Variants in WNK1 observed in about 807,000 individuals in gnomAD.
WNK1 encodes the protein serine/threonine-protein kinase WNK1.
In WNK1, 38 loss-of-function variants were observed where a neutral mutation model predicts 222.8. That is an observed-to-expected ratio of 0.17 (90% CI 0.13 to 0.22). The LOEUF (loss-of-function observed/expected upper bound fraction) is 0.22, where lower values mean the gene tolerates loss of function less well. WNK1 is among the 10% of genes least tolerant of loss of function. The pLI is 1.00. For missense variants in WNK1, 2,348 were observed against 2,918.4 expected, an observed-to-expected ratio of 0.80 and a Z score of 4.50; for synonymous variants, 1,090 against 1,092.9, an observed-to-expected ratio of 1.00 and a Z score of 0.05.
intron 2 of WNK1, among the ~76,000 whole-genome samples, chr12:826,446 G>A (rs1433101736): frequency 1.3e-5 from 2 of 152,104 alleles, no homozygotes; most frequent in African/African-American, 2.4e-5. Context: ...CTTTCCTTAG[G>A]TAAAAATGTA....
At chr12:825,172 T>C (rs1948252462) in intron 2 of WNK1, among the ~76,000 whole-genome samples, 1 of 152,206 alleles carries the variant, frequency 6.6e-6, no homozygotes, top group Non-Finnish European at 1.5e-5. Flanking sequence ...AAAATGCCCT[T>C]ATGCCGCTTT....
In WNK1 at chr12:754,900, G is replaced by A. The variant is rs555207498; in HGVS notation, c.759+576G>A. On this transcript the variant is annotated intron_variant, in intron 1 of 27. Coordinates refer to ENST00000315939, the MANE Select transcript of WNK1 (RefSeq NM_018979.4). Reference sequence around the variant, plus strand: ...ATGATGCTTAAGCCTTACAGTAGCAGCATTGCTCTGACGTTCATTAAACTA... The same window carrying A: ...ATGATGCTTAAGCCTTACAGTAGCAACATTGCTCTGACGTTCATTAAACTA... Among the ~76,000 whole-genome samples the A allele has an allele frequency of 1.3e-4, 20 of 152,296 alleles. No individual in the cohort carries two copies. In the East Asian group the frequency reaches 3.9e-3, roughly 29 times the overall value.
chr12:877,230 A>G (rs1952712716), intron 9 of WNK1, among the ~76,000 whole-genome samples: 1 of 151,878 alleles, frequency 6.6e-6, no homozygotes, highest in Admixed American at 6.6e-5. Flanking sequence ...CGCCCGGCTA[A>G]TTTTTTGCAA....
At chr12:881,599 G>C in intron 12 of WNK1, 93 bp from the exon 13 acceptor site, 2 of 979,448 alleles carry the variant, frequency 2.0e-6, no homozygotes, top group South Asian at 2.6e-5. Context: ...GGACGTAGTG[G>C]GGAGGGATAA....
In WNK1 at chr12:859,388, A is replaced by G; in HGVS notation, c.1544A>G (p.Lys515Arg). 6.2e-7 allele frequency: 1 copy of G among 1,612,972 alleles called. No homozygotes were observed. The highest frequency in any genetic ancestry group is 1.1e-5 in the South Asian group (1 of 90,922). Residue 515 changes from lysine (K) to arginine (R), a missense_variant, in exon 6 of 28, where the codon AAA becomes AGA. Lys to Arg is a conservative substitution (Grantham distance 26). Around this residue, in one of 13 missense-constraint regions of WNK1, gnomAD observed 37 missense variants for 102.8 expected, o/e 0.36. Coordinates refer to ENST00000315939, the MANE Select transcript of WNK1 (RefSeq NM_018979.4). ...GAAGATATTAAGAAATTAAAGGGAA[A>G]ATACAAAGATAATGAAGCTATTGAG... The part of the protein sequence containing the change: ...RIEDIKKLKG[K>R]YKDNEAIEFS...
chr12:858,868 CT>C (rs1005662250), intron 5 of WNK1, among the ~76,000 whole-genome samples: 18 of 152,038 alleles, frequency 1.2e-4, no homozygotes, highest in African/African-American at 4.3e-4. Flanking sequence ...TATTTTGAAG[CT>C]TTAATAGAGC....
intron 2 of WNK1, 57 bp downstream of exon 2, chr12:813,871 T>A: frequency 1.2e-5 from 19 of 1,573,444 alleles, no homozygotes; most frequent in Non-Finnish European, 1.6e-5. Context: ...TTTGATTTTT[T>A]AAATTTCAGG....
intron 1 of WNK1, among the ~76,000 whole-genome samples, chr12:794,502 A>ATT (rs76061362): frequency 6.8e-5 from 10 of 148,116 alleles, no homozygotes; most frequent in African/African-American, 1.5e-4. Context: ...AGTTGGTTGA[A>ATT]TTTTTTTTTT....
intron 1 of WNK1, among the ~76,000 whole-genome samples, chr12:792,305 ATTCT>A (rs1187965977): frequency 1.6e-5 from 2 of 126,430 alleles, no homozygotes; most frequent in African/African-American, 5.7e-5. Flanking sequence ...TGATACTGTT[ATTCT>A]TTTTTTTTTT....
At chr12:789,674 C>A (rs1042650401) in intron 1 of WNK1, among the ~76,000 whole-genome samples, 1 of 151,916 alleles carries the variant, frequency 6.6e-6, no homozygotes. Context: ...AGGTGTATGC[C>A]ACCAAACGCC....
At chr12:805,360 A>G (rs925992779) in intron 1 of WNK1, among the ~76,000 whole-genome samples, 1 of 152,102 alleles carries the variant, frequency 6.6e-6, no homozygotes, top group African/African-American at 2.4e-5. Flanking sequence ...GTGGTATCTT[A>G]CTGCTAGACA....
chr12:859,963 A>G (rs561399813), intron 6 of WNK1, among the ~76,000 whole-genome samples: 4 of 151,976 alleles, frequency 2.6e-5, no homozygotes, highest in African/African-American at 9.6e-5. Context: ...TGATCATCCC[A>G]CCTCAGCCTC....
intron 26 of WNK1, chr12:901,067 T>C (rs1955212514): frequency 3.1e-6 from 1 of 320,408 alleles, no homozygotes; most frequent in Non-Finnish European, 6.1e-6. Flanking sequence ...GGGAGTGGCA[T>C]ACTAAAATGA....
At chr12:817,683 A>G (rs1269193544) in intron 2 of WNK1, among the ~76,000 whole-genome samples, 1 of 152,214 alleles carries the variant, frequency 6.6e-6, no homozygotes, top group Non-Finnish European at 1.5e-5. Flanking sequence ...TCACACCTGT[A>G]ATCCCAGCAC....
At chr12:882,247 A>C (rs913006734) in intron 14 of WNK1, among the ~76,000 whole-genome samples, 174 bp downstream of exon 14, 1 of 151,956 alleles carries the variant, frequency 6.6e-6, no homozygotes, top group African/African-American at 2.4e-5. Context: ...CCCAGGCTGG[A>C]GTGCAGTGGC....
intron 26 of WNK1, 154 bp from the exon 27 acceptor site, chr12:907,693 A>T: frequency 1.1e-6 from 1 of 933,736 alleles, no homozygotes; most frequent in South Asian, 1.3e-5. Context: ...ACAAATGGCT[A>T]AACAAAACCT....
intron 20 of WNK1, among the ~76,000 whole-genome samples, chr12:888,729 C>A (rs748719709): frequency 6.6e-6 from 1 of 152,108 alleles, no homozygotes; most frequent in Non-Finnish European, 1.5e-5. Context: ...CATAGGGGCA[C>A]CTTCCCAGAA....
At chr12:888,988 TA>T in intron 20 of WNK1, 151 bp from the exon 21 acceptor site, 1 of 720,826 alleles carries the variant, frequency 1.4e-6, no homozygotes, top group Non-Finnish European at 2.5e-6. Context: ...AGCAGTACAC[TA>T]AATTTGAGTA....
chr12:829,681 G>T (rs1169429997), intron 3 of WNK1, among the ~76,000 whole-genome samples: 1 of 152,048 alleles, frequency 6.6e-6, no homozygotes, highest in African/African-American at 2.4e-5. Flanking sequence ...TTTTCAATAT[G>T]AATTATATTA....
Sources: allele counts gnomAD v4.1 joint callset (sites outside exome capture counted in the v4.1 genomes callset), GRCh38; gene constraint gnomAD v4.1.1; regional missense constraint gnomAD v4.1.1; transcripts MANE v1.5; gene names NCBI Gene and HGNC (gene_info 2026-07-23, HGNC 2026-07-21).